The following C2CD4A variants were observed in gnomAD, a reference collection of about 807,000 sequenced individuals.
C2CD4A encodes the protein C2 calcium dependent domain containing 4A, also known as C2 calcium-dependent domain-containing protein 4A.
In C2CD4A, 2 loss-of-function variants were observed where a neutral mutation model predicts 0.4. The ratio of observed to expected loss-of-function variants is 4.45; its 90% CI spans 1.82 to 13.99. The LOEUF is 13.99. Among genes scored for constraint, C2CD4A ranks in the 30% most tolerant of loss-of-function variants. C2CD4A has a pLI of 0.04. For missense variants in C2CD4A, 610 were observed against 574.2 expected, an observed-to-expected ratio of 1.06 and a Z score of -0.64; for synonymous variants, 297 against 280.8, an observed-to-expected ratio of 1.06 and a Z score of -0.58.
Position 62,070,126 on chromosome 15 carries a change from A to T in C2CD4A, c.*1403A>T. On this transcript the variant is annotated 3_prime_UTR_variant, in exon 2 of 2. Transcript: ENST00000355522. ...TTTAACAATCCTGTTTTAGAGGACG[A>T]TTTTCCCTCATCCCTTGAATTCACT... 2.5e-6 allele frequency: 1 copy of T among 397,342 alleles called. No individual in the cohort carries two copies. Among genetic ancestry groups the T allele is most frequent in the Non-Finnish European group, 4.6e-6 (1 of 217,456 alleles). The allele number at this position is 397,342 out of a possible 1,614,324, so 24.6% of individuals were successfully genotyped here.
In C2CD4A at chr15:62,068,799, TA is replaced by T; in HGVS notation, c.*77del. 1 of 1,413,708 alleles carries T rather than the reference TA, an allele frequency of 7.1e-7. No individual in the cohort carries two copies. The highest frequency in any genetic ancestry group is 2.6e-4 in the Middle Eastern group (1 of 3,788). The allele number at this position is 1,413,708 out of a possible 1,614,324, so 87.6% of individuals were successfully genotyped here. A position where few individuals can be genotyped will look rare whatever the true frequency, so the allele number is the denominator to read the frequency against. On this transcript the variant is annotated 3_prime_UTR_variant, in exon 2 of 2. Transcript: ENST00000355522. ...AGCCGCGTGGTACAAAATAAACGTG[TA>T]TTTGTTGTTCTTATCAGTCCCGTTT...
chr15:62,070,304 A>T lies in C2CD4A; in HGVS notation c.*1581A>T. Reference sequence around the variant, plus strand: ...TCAGAAATGGTTTCTGCTTTATTTTATTTCATTTTATCTTTTAGAAACAAG... The same window carrying T: ...TCAGAAATGGTTTCTGCTTTATTTTTTTTCATTTTATCTTTTAGAAACAAG... On this transcript the variant is annotated 3_prime_UTR_variant, in exon 2 of 2. Transcript: ENST00000355522. The T allele has an allele frequency of 2.4e-6, 1 of 413,004 alleles. No homozygotes were observed. The highest frequency in any genetic ancestry group is 3.6e-5 in the East Asian group (1 of 28,086). The allele number at this position is 413,004 out of a possible 1,614,324, so 25.6% of individuals were successfully genotyped here. A position where few individuals can be genotyped will look rare whatever the true frequency, so the allele number is the denominator to read the frequency against.
At chr15:62,067,466 C>T (rs926341412) in intron 1 of C2CD4A, 119 bp from the exon 2 acceptor site, 7 of 835,950 alleles carry the variant, frequency 8.4e-6, no homozygotes, top group Non-Finnish European at 1.3e-5. Context: ...GAGCAGTTTG[C>T]CTTGTTTCGG....
rs778336039 is a variant in C2CD4A at position 62,067,873 on chromosome 15, C to T, written c.260C>T (p.Ser87Leu). 2 of 1,605,684 alleles carry T rather than the reference C, an allele frequency of 1.2e-6. No homozygotes were observed. Among genetic ancestry groups the T allele is most frequent in the Non-Finnish European group, 1.7e-6 (2 of 1,178,796 alleles). The change falls in exon 2 of 2, where the codon TCG becomes TTG. Residue 87 changes from serine to leucine, a missense_variant. By Grantham distance (145) the Ser-to-Leu change is moderately radical. Transcript: ENST00000355522. ...GGCCGCACAGACTGGGACCCGCGCT[C>T]GCAGGCCGCGCTGTCACTGCCGCAC... is the stretch of plus-strand genomic sequence containing the variant. ...GAGRTDWDPRSQAALSLPHLP... is the reference protein window; with the variant it reads ...GAGRTDWDPRLQAALSLPHLP...
Position 62,068,407 on chromosome 15 carries a change from C to G in C2CD4A, c.794C>G (p.Pro265Arg). 7.1e-7 allele frequency: 1 copy of G among 1,400,620 alleles called. No homozygotes were observed. The allele number at this position is 1,400,620 out of a possible 1,614,324, so 86.8% of individuals were successfully genotyped here. The change falls in exon 2 of 2, where the codon CCG becomes CGG. Residue 265 changes from proline to arginine, a missense_variant. Transcript: ENST00000355522. ...CTGCGCCTGGCCGCCGAGTACTGTC[C>G]GGGAACCGGGCGGCTCCGCCTCCGG... ...DALRLAAEYC[P>R]GTGRLRLRLL...
Position 62,067,955 on chromosome 15 carries a change from G to A in C2CD4A, c.342G>A (p.Thr114=), listed in dbSNP as rs1596557083. Reference sequence around the variant, plus strand: ...GCGCGCTGCTCGAGAGCCCGCACACGCGCCGCAAGGAGTCGCTCCTGCTCG... The same window carrying A: ...GCGCGCTGCTCGAGAGCCCGCACACACGCCGCAAGGAGTCGCTCCTGCTCG... ...GFCALLESPH[T]RRKESLLLGG... is the part of the protein sequence containing the mutation. Residue 114 remains threonine, a synonymous_variant, in exon 2 of 2, where the codon ACG becomes ACA. Transcript: ENST00000355522. The A allele has an allele frequency of 6.5e-7, 1 of 1,539,790 alleles. No homozygotes were observed. Among genetic ancestry groups the A allele is most frequent in the Non-Finnish European group, 8.7e-7 (1 of 1,151,092 alleles).
chr15:62,067,984 G>T lies in C2CD4A; in HGVS notation c.371G>T (p.Gly124Val). 7.1e-7 allele frequency: 1 copy of T among 1,399,374 alleles called. No homozygotes were observed. Among genetic ancestry groups the T allele is most frequent in the Non-Finnish European group, 9.2e-7 (1 of 1,087,810 alleles). 86.7% of individuals were successfully genotyped at this position (1,399,374 alleles called of 1,614,324 possible). A position where few individuals can be genotyped will look rare whatever the true frequency, so the allele number is the denominator to read the frequency against. ...TRRKESLLLG[G>V]PPAPRPRAHT... ...CGCAAGGAGTCGCTCCTGCTCGGGGGCCCGCCCGCGCCCCGGCCCCGGGCC... is the reference window on the plus strand; with the variant it reads ...CGCAAGGAGTCGCTCCTGCTCGGGGTCCCGCCCGCGCCCCGGCCCCGGGCC... The change falls in exon 2 of 2, where the codon GGC (glycine) becomes GTC (valine). Residue 124 changes from glycine to valine, a missense_variant. Coordinates refer to ENST00000355522, the MANE Select transcript of C2CD4A (RefSeq NM_207322.3).
chr15:62,067,198 T>G (rs2049050537), intron 1 of C2CD4A, 110 bp downstream of exon 1: 1 of 164,348 alleles, frequency 6.1e-6, no homozygotes, highest in African/African-American at 2.4e-5. Flanking sequence ...GGAATAACAA[T>G]TACTTTAATT....
rs2049072367 is a variant in C2CD4A at position 62,069,718 on chromosome 15, C to T, written c.*995C>T. The T allele has an allele frequency of 6.0e-6, 1 of 167,052 alleles. No homozygotes were observed. Among genetic ancestry groups the T allele is most frequent in the Non-Finnish European group, 1.5e-5 (1 of 68,132 alleles). 10.3% of individuals were successfully genotyped at this position (167,052 alleles called of 1,614,324 possible). The stretch of plus-strand genomic sequence containing the variant: ...ATAAAGAGCAGAGCCAGAATTTGAA[C>T]CTAGACAATCAGCATTTCACTCATT... On this transcript the variant is annotated 3_prime_UTR_variant, in exon 2 of 2. Coordinates refer to ENST00000355522, the MANE Select transcript of C2CD4A (RefSeq NM_207322.3).
Position 62,067,730 on chromosome 15 carries a change from T to A in C2CD4A, c.117T>A (p.Asn39Lys), listed in dbSNP as rs1406586549. 3.7e-6 allele frequency: 6 copies of A among 1,612,212 alleles called. No homozygotes were observed. The highest frequency in any genetic ancestry group is 2.7e-5 in the African/African-American group (2 of 74,890). Reference protein sequence around the residue: ...AKSRTTAACANVLTPDRIPEF... With the variant: ...AKSRTTAACAKVLTPDRIPEF... ...CTCGCACCACCGCCGCGTGCGCAAATGTGCTCACTCCGGACCGCATCCCTG... is the reference window on the plus strand; with the variant it reads ...CTCGCACCACCGCCGCGTGCGCAAAAGTGCTCACTCCGGACCGCATCCCTG... Residue 39 changes from asparagine to lysine, a missense_variant, in exon 2 of 2, where the codon AAT (asparagine) becomes AAA (lysine). Asn to Lys is a moderately conservative substitution (Grantham distance 94). Coordinates refer to ENST00000355522, the MANE Select transcript of C2CD4A (RefSeq NM_207322.3).
At position 62,068,338 on chromosome 15, in the gene C2CD4A, T is replaced by C; in HGVS notation, c.725T>C (p.Leu242Pro). 1.4e-6 allele frequency: 2 copies of C among 1,411,604 alleles called. No homozygotes were observed. The highest frequency in any genetic ancestry group is 1.8e-6 in the Non-Finnish European group (2 of 1,083,474). The allele number at this position is 1,411,604 out of a possible 1,614,324, so 87.4% of individuals were successfully genotyped here. ...TCCCGGGTCCCGTTTCCCGAGCGCC[T>C]GGAGGCCGAGGGCACCGTGGCTCTG... ...PSSRVPFPER[L>P]EAEGTVALGR... is the part of the protein sequence containing the mutation. Residue 242 changes from leucine to proline, a missense_variant, in exon 2 of 2, where the codon CTG (leucine) becomes CCG (proline). Coordinates refer to ENST00000355522, the MANE Select transcript of C2CD4A (RefSeq NM_207322.3).
rs78371420 is a variant in C2CD4A, at chr15:62,067,440, C to T, written c.-29-145C>T. 3.0e-4 allele frequency: 198 copies of T among 652,294 alleles called. No homozygotes were observed. The African/African-American group carries it at 3.2e-3, about 10-fold the overall frequency. 40.4% of individuals were successfully genotyped at this position (652,294 alleles called of 1,614,324 possible). A position where few individuals can be genotyped will look rare whatever the true frequency, so the allele number is the denominator to read the frequency against. ...TTTCGCTCACTGAAAAAATAGTTTGCAATAGCGGCAAGCAAGAGCAGTTTG... is the reference window on the plus strand; with the variant it reads ...TTTCGCTCACTGAAAAAATAGTTTGTAATAGCGGCAAGCAAGAGCAGTTTG... On this transcript the variant is annotated intron_variant, in intron 1 of 1. Coordinates refer to ENST00000355522, the MANE Select transcript of C2CD4A (RefSeq NM_207322.3).
In C2CD4A at chr15:62,068,247, G is replaced by C. The variant is rs1037498703; in HGVS notation, c.634G>C (p.Glu212Gln). 4 of 1,369,250 alleles carry C rather than the reference G, an allele frequency of 2.9e-6. No individual in the cohort carries two copies. Among genetic ancestry groups the C allele is most frequent in the Non-Finnish European group, 2.8e-6 (3 of 1,061,250 alleles). The allele number at this position is 1,369,250 out of a possible 1,614,324, so 84.8% of individuals were successfully genotyped here. The change falls in exon 2 of 2, where the codon GAG becomes CAG. Residue 212 changes from glutamate (E) to glutamine (Q), a missense_variant. Coordinates refer to ENST00000355522, the MANE Select transcript of C2CD4A (RefSeq NM_207322.3). ...TRVRSVSSGN[E>Q]DKERRAGSQS... ...CGTCCGCTCCGTCTCCAGCGGGAAC[G>C]AGGACAAGGAGCGCCGCGCGGGCTC...
Position 62,068,649 on chromosome 15 carries a change from G to C in C2CD4A, c.1036G>C (p.Glu346Gln). 3 of 1,550,784 alleles carry C rather than the reference G, an allele frequency of 1.9e-6. No homozygotes were observed. Among genetic ancestry groups the C allele is most frequent in the Non-Finnish European group, 1.7e-6 (2 of 1,146,954 alleles). The change falls in exon 2 of 2, where the codon GAG becomes CAG. Residue 346 changes from glutamate (E) to glutamine (Q), a missense_variant. Glu to Gln is a conservative substitution (Grantham distance 29, BLOSUM62 2). Transcript: ENST00000355522. ...RLAVRVKARDEGRGRERGRLL... is the reference protein window; with the variant it reads ...RLAVRVKARDQGRGRERGRLL... Reference sequence around the variant, plus strand: ...GGCCGTTCGAGTCAAGGCCCGGGACGAGGGCCGCGGCCGGGAGCGGGGCCG... The same window carrying C: ...GGCCGTTCGAGTCAAGGCCCGGGACCAGGGCCGCGGCCGGGAGCGGGGCCG...
chr15:62,070,035 G>A lies in C2CD4A; in HGVS notation c.*1312G>A. ...TTGTAACCAGGTGAGTTTATCTGCT[G>A]GAACAGGCAGTGGAGAGTGTACAGA... On this transcript the variant is annotated 3_prime_UTR_variant, in exon 2 of 2. Coordinates refer to ENST00000355522, the MANE Select transcript of C2CD4A (RefSeq NM_207322.3). The A allele has an allele frequency of 3.7e-6, 1 of 273,760 alleles. No homozygotes were observed. Among genetic ancestry groups the A allele is most frequent in the Non-Finnish European group, 7.2e-6 (1 of 139,398 alleles). 17.0% of individuals were successfully genotyped at this position (273,760 alleles called of 1,614,324 possible). A position where few individuals can be genotyped will look rare whatever the true frequency, so the allele number is the denominator to read the frequency against.
rs375768773 is a variant in C2CD4A, at chr15:62,068,512, C to T, written c.899C>T (p.Pro300Leu). Reference sequence around the variant, plus strand: ...TGTCGCCTCAGCCTCGTCCTGCGGCCGCCGGGCACCGCGCTTCGGCAATGC... The same window carrying T: ...TGTCGCCTCAGCCTCGTCCTGCGGCTGCCGGGCACCGCGCTTCGGCAATGC... ...VSCRLSLVLRPPGTALRQCST... is the reference protein window; with the variant it reads ...VSCRLSLVLRLPGTALRQCST... Residue 300 changes from proline to leucine, a missense_variant, in exon 2 of 2, where the codon CCG becomes CTG. Coordinates refer to ENST00000355522, the MANE Select transcript of C2CD4A (RefSeq NM_207322.3). The T allele has an allele frequency of 5.5e-4, 830 of 1,515,906 alleles. 4 individuals carry two copies. Among genetic ancestry groups the T allele is most frequent in the Middle Eastern group, 2.0e-3 (12 of 5,876 alleles). 93.9% of individuals were successfully genotyped at this position (1,515,906 alleles called of 1,614,324 possible). A position where few individuals can be genotyped will look rare whatever the true frequency, so the allele number is the denominator to read the frequency against.
In C2CD4A at chr15:62,068,179, T is replaced by C. The variant is rs921874491; in HGVS notation, c.566T>C (p.Leu189Pro). Residue 189 changes from leucine (L) to proline (P), a missense_variant, in exon 2 of 2, where the codon CTG becomes CCG. Transcript: ENST00000355522. ...CRLLRVPDGL[L>P]SRALRAGRSR... Reference sequence around the variant, plus strand: ...CTCCTGCGCGTCCCCGACGGGCTGCTGAGTCGCGCGCTGCGGGCTGGGAGG... The same window carrying C: ...CTCCTGCGCGTCCCCGACGGGCTGCCGAGTCGCGCGCTGCGGGCTGGGAGG... 2 of 1,283,640 alleles carry C rather than the reference T, an allele frequency of 1.6e-6. No homozygotes were observed. The highest frequency in any genetic ancestry group is 2.0e-6 in the Non-Finnish European group (2 of 1,017,818). The allele number at this position is 1,283,640 out of a possible 1,614,324, so 79.5% of individuals were successfully genotyped here.
rs2049073990 is a variant in C2CD4A, at chr15:62,069,908, T to C, written c.*1185T>C. ...ATTGCTTGAAATGAATAATTTATTA[T>C]CTCATGCTAATAACTTCAGGCATTG... On this transcript the variant is annotated 3_prime_UTR_variant, in exon 2 of 2. Transcript: ENST00000355522. 5.8e-6 allele frequency: 1 copy of C among 171,708 alleles called. No homozygotes were observed. The allele number at this position is 171,708 out of a possible 1,614,324, so 10.6% of individuals were successfully genotyped here.
In C2CD4A at chr15:62,068,348, G is replaced by T; in HGVS notation, c.735G>T (p.Glu245Asp). 7.1e-7 allele frequency: 1 copy of T among 1,406,110 alleles called. No homozygotes were observed. The highest frequency in any genetic ancestry group is 9.2e-7 in the Non-Finnish European group (1 of 1,081,082). The allele number at this position is 1,406,110 out of a possible 1,614,324, so 87.1% of individuals were successfully genotyped here. ...CGTTTCCCGAGCGCCTGGAGGCCGA[G>T]GGCACCGTGGCTCTGGGCCGCGCCG... ...RVPFPERLEA[E>D]GTVALGRAGD... The change falls in exon 2 of 2, where the codon GAG (glutamate) becomes GAT (aspartate). Residue 245 changes from glutamate to aspartate, a missense_variant. Glu to Asp is a conservative substitution (Grantham distance 45). Transcript: ENST00000355522.
Sources: gnomAD v4.1 joint callset for allele counts on GRCh38, gnomAD v4.1.1 for gene constraint, MANE v1.5 for transcripts, NCBI Gene and HGNC (gene_info 2026-07-23, HGNC 2026-07-21) for gene names.